CACNB4: variants seen among roughly 807,000 people sequenced by gnomAD.
CACNB4 encodes the protein voltage-dependent L-type calcium channel subunit beta-4.
A neutral mutation model predicts 71.2 loss-of-function variants in CACNB4; 32 were observed. That is an observed-to-expected ratio of 0.45 (90% CI 0.34 to 0.60). The LOEUF is 0.60. Ranked by LOEUF, CACNB4 falls within the 20% of genes least tolerant of loss-of-function variation. The pLI is 0.01. For missense variants in CACNB4, 464 were observed against 647.9 expected (o/e 0.72, Z 3.08); for synonymous variants, 231 against 236.9 (o/e 0.97, Z 0.23).
chr2:152,079,924 G>A (rs1474771298), intron 2 of CACNB4, among the ~76,000 whole-genome samples: 1 of 152,240 alleles, frequency 6.6e-6, no homozygotes, highest in Non-Finnish European at 1.5e-5. Context: ...AGGCTGGGAT[G>A]TGGCTTGGAC....
intron 2 of CACNB4, among the ~76,000 whole-genome samples, chr2:151,986,366 T>G (rs943834274): frequency 7.2e-5 from 11 of 152,198 alleles, no homozygotes; most frequent in African/African-American, 2.7e-4. Context: ...TCCTTCCAAC[T>G]CAAGAAGAGC....
At chr2:151,874,683 A>C (rs2099845507) in intron 5 of CACNB4, among the ~76,000 whole-genome samples, 1 of 152,328 alleles carries the variant, frequency 6.6e-6, no homozygotes, top group Non-Finnish European at 1.5e-5. Context: ...ATAGAAAAGC[A>C]TTCAACAGAA....
chr2:152,016,642 A>AT (rs1249134743), intron 2 of CACNB4, among the ~76,000 whole-genome samples: 1 of 152,266 alleles, frequency 6.6e-6, no homozygotes, highest in African/African-American at 2.4e-5. Flanking sequence ...ACCCACAGTC[A>AT]CGTTATCTGA....
chr2:152,044,119 T>C (rs1268015509), intron 2 of CACNB4, among the ~76,000 whole-genome samples: 1 of 152,352 alleles, frequency 6.6e-6, no homozygotes, highest in Admixed American at 6.5e-5. Flanking sequence ...ATGTAAAATA[T>C]ACTAAAAACA....
chr2:151,862,382 G>C (rs1167083766), intron 9 of CACNB4, among the ~76,000 whole-genome samples: 1 of 152,158 alleles, frequency 6.6e-6, no homozygotes, highest in Non-Finnish European at 1.5e-5. Context: ...TTTAAGCAAA[G>C]CACTGCTTGC....
At chr2:151,961,688 C>T (rs1578990643) in intron 2 of CACNB4, among the ~76,000 whole-genome samples, 1 of 151,968 alleles carries the variant, frequency 6.6e-6, no homozygotes, top group African/African-American at 2.4e-5. Flanking sequence ...CCCAGGAGTA[C>T]GAGATCAGCC....
intron 2 of CACNB4, among the ~76,000 whole-genome samples, chr2:151,910,267 C>A (rs768680762): frequency 6.6e-6 from 1 of 152,114 alleles, no homozygotes; most frequent in Non-Finnish European, 1.5e-5. Context: ...AAATTCTGGA[C>A]ATTAGACCTT....
chr2:152,095,958 C>T (rs1314071255), intron 2 of CACNB4, among the ~76,000 whole-genome samples: 1 of 152,146 alleles, frequency 6.6e-6, no homozygotes, highest in Non-Finnish European at 1.5e-5. Context: ...CAGCCCAAGG[C>T]TCTGTTAACG....
intron 2 of CACNB4, among the ~76,000 whole-genome samples, chr2:152,044,937 G>A (rs1394792526): frequency 6.6e-6 from 1 of 152,190 alleles, no homozygotes; most frequent in African/African-American, 2.4e-5. Context: ...AATTGAAGCA[G>A]GGGAAAGAGA....
intron 2 of CACNB4, among the ~76,000 whole-genome samples, chr2:151,951,771 G>A (rs969057310): frequency 1.3e-5 from 2 of 152,214 alleles, no homozygotes; most frequent in African/African-American, 4.8e-5. Context: ...GACTAACGAG[G>A]AAGCTGGAGT....
intron 2 of CACNB4, among the ~76,000 whole-genome samples, chr2:151,949,543 C>T (rs1176851018): frequency 6.6e-6 from 1 of 152,010 alleles, no homozygotes; most frequent in South Asian, 2.1e-4. Context: ...CAGCATGGTC[C>T]GTTCAGGGAC....
chr2:152,051,058 G>A (rs184474053), intron 2 of CACNB4, among the ~76,000 whole-genome samples: 16 of 152,060 alleles, frequency 1.1e-4, no homozygotes, highest in Admixed American at 9.8e-4. Context: ...GTGAGCCGCT[G>A]GGCCCAGCCC....
intron 2 of CACNB4, among the ~76,000 whole-genome samples, chr2:151,918,646 C>A (rs2099858158): frequency 6.6e-6 from 1 of 152,212 alleles, no homozygotes; most frequent in African/African-American, 2.4e-5. Flanking sequence ...GGCTATGGTG[C>A]ATACAGATAT....
chr2:151,876,623 AG>A, intron 4 of CACNB4, 67 bp from the exon 5 acceptor site: 1 of 1,070,998 alleles, frequency 9.3e-7, no homozygotes, highest in Non-Finnish European at 1.4e-6. Context: ...TATTAATCTT[AG>A]GGGACAAGAA....
chr2:152,095,752 A>G (rs569670762), intron 2 of CACNB4, among the ~76,000 whole-genome samples: 2 of 152,340 alleles, frequency 1.3e-5, no homozygotes, highest in South Asian at 4.1e-4. Context: ...CCTAGGTTCA[A>G]AAAATTCTCC....
rs948653758 is a variant in CACNB4, at chr2:151,833,953, G to A, written c.*5166C>T. Reference sequence around the variant, plus strand: ...AATAACATCCCAGAAAATATTGTAAGGCATATGAAAAATAGTATGCAACGA... The same window carrying A: ...AATAACATCCCAGAAAATATTGTAAAGCATATGAAAAATAGTATGCAACGA... On this transcript the variant is annotated 3_prime_UTR_variant, in exon 14 of 14. Transcript: ENST00000539935. 6.6e-6 allele frequency: 1 copy of A among 151,948 alleles called. No individual in the cohort carries two copies. The highest frequency in any genetic ancestry group is 2.4e-5 in the African/African-American group (1 of 41,398). 9.4% of individuals were successfully genotyped at this position (151,948 alleles called of 1,614,324 possible).
intron 2 of CACNB4, among the ~76,000 whole-genome samples, chr2:151,941,682 A>AC (rs2099864290): frequency 6.6e-6 from 1 of 152,174 alleles, no homozygotes; most frequent in Admixed American, 6.5e-5. Flanking sequence ...GATAAGACTT[A>AC]CCTTCATTCA....
rs547439915 is a variant in CACNB4 at position 151,973,676 on chromosome 2, G to C, written c.148-90306C>G. ...ATCTATGAAAATACTTACAGCCTCC[G>C]AGTCTTCAATTCCATGCAGGTACAA... is the stretch of plus-strand genomic sequence containing the variant. On this transcript the variant is annotated intron_variant, in intron 2 of 13. Coordinates refer to ENST00000539935, the MANE Select transcript of CACNB4 (RefSeq NM_000726.5). The C allele has an allele frequency of 2.5e-6, 4 of 1,613,414 alleles. No individual in the cohort carries two copies. The South Asian group carries it at 4.4e-5, about 18-fold the overall frequency.
intron 2 of CACNB4, among the ~76,000 whole-genome samples, chr2:152,052,671 T>C (rs1685507440): frequency 6.6e-6 from 1 of 152,188 alleles, no homozygotes; most frequent in Non-Finnish European, 1.5e-5. Context: ...CCAAATAATA[T>C]TCTATTGTAT....
Sources: allele counts gnomAD v4.1 joint callset (sites outside exome capture counted in the v4.1 genomes callset), GRCh38; gene constraint gnomAD v4.1.1; transcripts MANE v1.5; gene names NCBI Gene and HGNC (gene_info 2026-07-23, HGNC 2026-07-21).